CLCN5: variants seen among roughly 807,000 people sequenced by gnomAD.
CLCN5 encodes the protein Cl-/H+ antiporter 5.
Under a neutral mutation model 54.0 loss-of-function variants are expected in CLCN5, and 17 were observed. That is an observed-to-expected ratio of 0.31 (90% CI 0.22 to 0.47). The LOEUF is 0.47. Ranked by LOEUF, CLCN5 falls within the 20% of genes least tolerant of loss-of-function variation. The probability of loss-of-function intolerance (pLI) is 1.00; values close to 1 mark genes in which losing one functional copy is unlikely to be tolerated. For synonymous variants in CLCN5, 222 were observed against 233.0 expected, an observed-to-expected ratio of 0.95 and a Z score of 0.43; for missense variants, 448 against 646.7, an observed-to-expected ratio of 0.69 and a Z score of 3.33.
chrX:49,924,131 C>CATTCCTAG (rs1294472821), intron 2 of CLCN5, among the ~76,000 whole-genome samples: 2 of 106,111 alleles, frequency 1.9e-5, no homozygotes, highest in Non-Finnish European at 3.8e-5. Flanking sequence ...TTTTTTCTCC[C>CATTCCTAG]ATTCCTAGCT....
rs782423161 is a variant in CLCN5 at position 50,005,481 on chromosome X, C to T, written c.17-36835C>T. ...TCCCTTCATCTGCTATTTGATCACC[C>T]AGTGTTGCCGTCTTTATAGGCAAGA... On this transcript the variant is annotated intron_variant, in intron 3 of 14. Coordinates refer to ENST00000376091, the MANE Select transcript of CLCN5 (RefSeq NM_001127898.4). 1.6e-4 allele frequency among the ~76,000 whole-genome samples: 18 copies of T among 111,649 alleles called. No homozygotes were observed. The South Asian group carries it at 6.9e-3, about 43-fold the overall frequency.
chrX:50,008,479 G>A lies in CLCN5; in HGVS notation c.17-33837G>A, dbSNP rs191321849. ...ACCTGGGTGAGAGTGCTGTCTGAAT[G>A]CAATGCACCTGGGCAAGGATTCTGA... is the stretch of plus-strand genomic sequence containing the variant. On this transcript the variant is annotated intron_variant, in intron 3 of 14. Transcript: ENST00000376091. The A allele has an allele frequency of 2.6e-3, 958 of 362,678 alleles. 15 individuals carry two copies. The highest frequency in any genetic ancestry group is 4.8e-4 in the Non-Finnish European group (86 of 177,817). 29.9% of individuals were successfully genotyped at this position (362,678 alleles called of 1,213,427 possible).
chrX:49,954,534 C>T (rs1490564117), intron 3 of CLCN5, among the ~76,000 whole-genome samples: 1 of 110,904 alleles, frequency 9.0e-6, no homozygotes, highest in African/African-American at 3.3e-5. Context: ...AGGGCCTCTG[C>T]CCTGGATCTG....
intron 3 of CLCN5, chrX:50,008,889 T>A (rs1349447897): frequency 3.3e-5 from 12 of 368,690 alleles, no homozygotes; most frequent in Non-Finnish European, 4.9e-5. Context: ...GAGTGAGACT[T>A]GGTTATAGCT....
chrX:49,940,248 A>G lies in CLCN5; in HGVS notation c.16+14934A>G, dbSNP rs782174047. ...TCTCCAAAGTGTCCTGGTTTTGACA[A>G]TTAAATCATTTGGTCAATAAAGGGT... is the stretch of plus-strand genomic sequence containing the variant. On this transcript the variant is annotated intron_variant, in intron 3 of 14. Coordinates refer to ENST00000376091, the MANE Select transcript of CLCN5 (RefSeq NM_001127898.4). Among the ~76,000 whole-genome samples, 3 of 112,123 alleles carry G rather than the reference A, an allele frequency of 2.7e-5. No individual in the cohort carries two copies. In the East Asian group the frequency reaches 8.4e-4, roughly 31 times the overall value.
intron 3 of CLCN5, among the ~76,000 whole-genome samples, chrX:49,960,008 A>G (rs782534892): frequency 1.8e-5 from 2 of 111,393 alleles, no homozygotes; most frequent in South Asian, 7.6e-4. Flanking sequence ...AGCCTTTCAC[A>G]TCTCCTGTTC....
At chrX:49,925,572 A>T (rs1461414873) in intron 3 of CLCN5, among the ~76,000 whole-genome samples, 1 of 112,310 alleles carries the variant, frequency 8.9e-6, no homozygotes, top group Non-Finnish European at 1.9e-5. Context: ...CCTTCATTTA[A>T]ATAAGTGATC....
chrX:50,047,488 G>A (rs1409828366), intron 4 of CLCN5, among the ~76,000 whole-genome samples: 1 of 110,845 alleles, frequency 9.0e-6, no homozygotes, highest in Non-Finnish European at 1.9e-5. Context: ...GGCTTTAAAG[G>A]GTTCATTTAG....
chrX:50,092,324 C>A lies in CLCN5; in HGVS notation c.*105C>A. 1.8e-6 allele frequency: 1 copy of A among 554,306 alleles called. No individual in the cohort carries two copies. The highest frequency in any genetic ancestry group is 2.5e-5 in the South Asian group (1 of 40,758). 45.7% of individuals were successfully genotyped at this position (554,306 alleles called of 1,213,427 possible). A position where few individuals can be genotyped will look rare whatever the true frequency, so the allele number is the denominator to read the frequency against. On this transcript the variant is annotated 3_prime_UTR_variant, in exon 15 of 15. Coordinates refer to ENST00000376091, the MANE Select transcript of CLCN5 (RefSeq NM_001127898.4). ...ATTTTCCATATTTGGATGGTGAAGTCACATTAGTGTGTTGTCTCTTTCCTA... is the reference window on the plus strand; with the variant it reads ...ATTTTCCATATTTGGATGGTGAAGTAACATTAGTGTGTTGTCTCTTTCCTA...
intron 12 of CLCN5, among the ~76,000 whole-genome samples, chrX:50,089,263 A>G (rs192082034): frequency 8.9e-6 from 1 of 112,000 alleles, no homozygotes; most frequent in East Asian, 2.8e-4. Context: ...TGCAGCCTTT[A>G]AATGTGATGT....
chrX:50,015,568 T>C (rs1184502080), intron 3 of CLCN5, among the ~76,000 whole-genome samples: 1 of 109,305 alleles, frequency 9.1e-6, no homozygotes, highest in Non-Finnish European at 1.9e-5. Flanking sequence ...TTTCAGTCTA[T>C]CGCTCTCTCT....
intron 3 of CLCN5, among the ~76,000 whole-genome samples, chrX:49,971,055 GTAT>G (rs1452648287): frequency 1.2e-4 from 13 of 108,707 alleles, no homozygotes; most frequent in Admixed American, 6.0e-4. Flanking sequence ...TATTTTGGTG[GTAT>G]TATTTATAAA....
chrX:50,000,976 C>T (rs1012618691), intron 3 of CLCN5, among the ~76,000 whole-genome samples: 4 of 110,536 alleles, frequency 3.6e-5, no homozygotes, highest in Non-Finnish European at 7.6e-5. Context: ...GTGTCACCTC[C>T]CTTCCTTCCT....
intron 6 of CLCN5, 94 bp from the exon 7 acceptor site, chrX:50,075,701 C>T: frequency 2.6e-6 from 2 of 781,415 alleles, no homozygotes; most frequent in Non-Finnish European, 4.0e-6. Flanking sequence ...TTCCTTTCCC[C>T]TCATTTTCTC....
chrX:50,092,570 C>T lies in CLCN5; in HGVS notation c.*351C>T, dbSNP rs1039077186. On this transcript the variant is annotated 3_prime_UTR_variant, in exon 15 of 15. Transcript: ENST00000376091. The stretch of plus-strand genomic sequence containing the variant: ...ACTATGCAAGAGAAATTCCAACCGT[C>T]CTGACCTATAACCTGTAGGAAACCG... The T allele has an allele frequency of 9.9e-6, 2 of 202,902 alleles. No homozygotes were observed. The highest frequency in any genetic ancestry group is 1.2e-4 in the East Asian group (1 of 8,554). 16.7% of individuals were successfully genotyped at this position (202,902 alleles called of 1,213,427 possible).
Position 50,083,005 on chromosome X carries a change from T to A in CLCN5, c.933+1158T>A, listed in dbSNP as rs1236720482. ...CTGTTTTGAGGAGGAAGGACTTTTTTAAAAAAAAGTTCCAAGTCATTGGTT... is the reference window on the plus strand; with the variant it reads ...CTGTTTTGAGGAGGAAGGACTTTTTAAAAAAAAAGTTCCAAGTCATTGGTT... On this transcript the variant is annotated intron_variant, in intron 9 of 14. Transcript: ENST00000376091. Among the ~76,000 whole-genome samples the A allele has an allele frequency of 6.3e-5, 7 of 110,763 alleles. No individual in the cohort carries two copies. In the East Asian group the frequency reaches 1.1e-3, roughly 18 times the overall value.
intron 3 of CLCN5, among the ~76,000 whole-genome samples, chrX:50,001,841 G>C (rs1251878714): frequency 1.8e-5 from 2 of 110,701 alleles, no homozygotes; most frequent in East Asian, 5.7e-4. Context: ...GTAACCTGCA[G>C]CACTTAAATG....
At chrX:50,056,484 A>G (rs1197517324) in intron 4 of CLCN5, among the ~76,000 whole-genome samples, 4 of 111,633 alleles carry the variant, frequency 3.6e-5, no homozygotes, top group African/African-American at 1.3e-4. Context: ...CCCTCTCAGC[A>G]ACTTTGTCAA....
At chrX:49,933,700 G>T (rs1925778813) in intron 3 of CLCN5, among the ~76,000 whole-genome samples, 1 of 111,593 alleles carries the variant, frequency 9.0e-6, no homozygotes, top group African/African-American at 3.3e-5. Flanking sequence ...CAGGATTATT[G>T]GGAGGATGTA....
Sources: allele counts gnomAD v4.1 joint callset (sites outside exome capture counted in the v4.1 genomes callset), GRCh38; gene constraint gnomAD v4.1.1; transcripts MANE v1.5; gene names NCBI Gene and HGNC (gene_info 2026-07-23, HGNC 2026-07-21).